The following RPTOR variants were observed in gnomAD, a reference collection of about 807,000 sequenced individuals.
The protein encoded by RPTOR is regulatory-associated protein of mTOR.
In RPTOR, 21 loss-of-function variants were observed where a neutral mutation model predicts 169.9. The observed-to-expected ratio is 0.12, with a 90% CI of 0.09 to 0.18. The LOEUF (loss-of-function observed/expected upper bound fraction) is 0.18, where lower values mean the gene tolerates loss of function less well. RPTOR is among the 10% of genes least tolerant of loss of function. The pLI, the probability that RPTOR is intolerant of heterozygous loss-of-function variation, is 1.00. For missense variants in RPTOR, 1,133 were observed against 1,855.9 expected (o/e 0.61, Z 7.16); for synonymous variants, 732 against 753.2 (o/e 0.97, Z 0.46).
At chr17:80,756,954 A>G (rs1320263615) in intron 6 of RPTOR, among the ~76,000 whole-genome samples, 1 of 152,218 alleles carries the variant, frequency 6.6e-6, no homozygotes, top group Non-Finnish European at 1.5e-5. Context: ...CAAAGCAGAA[A>G]TAGGGGTAGG....
intron 1 of RPTOR, among the ~76,000 whole-genome samples, chr17:80,612,889 T>C (rs2065281067): frequency 6.6e-6 from 1 of 152,094 alleles, no homozygotes; most frequent in African/African-American, 2.4e-5. Flanking sequence ...AACAAAACTT[T>C]TGTCAAAGAT....
chr17:80,886,181 G>A (rs1317996491), intron 17 of RPTOR, among the ~76,000 whole-genome samples: 1 of 152,254 alleles, frequency 6.6e-6, no homozygotes, highest in East Asian at 1.9e-4. Flanking sequence ...CAGGGGCCTG[G>A]GGGTTGTTTG....
intron 28 of RPTOR, among the ~76,000 whole-genome samples, chr17:80,953,053 T>C (rs9897841): frequency 0.57 from 86,515 of 151,324 alleles, 25,470 homozygotes; most frequent in African/African-American, 0.72. Context: ...TTAGTAGAGA[T>C]GGGGTTTCAC....
At chr17:80,711,905 G>A (rs997232608) in intron 4 of RPTOR, among the ~76,000 whole-genome samples, 4 of 151,802 alleles carry the variant, frequency 2.6e-5, no homozygotes, top group African/African-American at 7.3e-5. Context: ...CGCCACGCCC[G>A]GCTAATATTT....
intron 6 of RPTOR, among the ~76,000 whole-genome samples, chr17:80,774,789 G>A (rs1235200945): frequency 6.6e-6 from 1 of 152,224 alleles, no homozygotes; most frequent in African/African-American, 2.4e-5. Context: ...CTCGCTGTGT[G>A]CAGGGGACCG....
chr17:80,551,388 ATTCGTGGGTG>A (rs1172069240), intron 1 of RPTOR, among the ~76,000 whole-genome samples: 1 of 152,180 alleles, frequency 6.6e-6, no homozygotes, highest in Non-Finnish European at 1.5e-5. Flanking sequence ...TTTATTGATC[ATTCGTGGGTG>A]TTTCTCCGAG....
At chr17:80,737,406 G>GA (rs1164472659) in intron 5 of RPTOR, among the ~76,000 whole-genome samples, 1 of 152,120 alleles carries the variant, frequency 6.6e-6, no homozygotes, top group African/African-American at 2.4e-5. Context: ...CTCTTTAGAG[G>GA]AAAAAAACCC....
At chr17:80,653,359 A>G (rs1055720426) in intron 3 of RPTOR, among the ~76,000 whole-genome samples, 4 of 152,252 alleles carry the variant, frequency 2.6e-5, no homozygotes, top group Non-Finnish European at 5.9e-5. Flanking sequence ...CCTGGGCAAC[A>G]TAGTGAGACC....
intron 9 of RPTOR, among the ~76,000 whole-genome samples, chr17:80,824,333 A>G (rs111262845): frequency 0.068 from 10,311 of 152,308 alleles, 484 homozygotes; most frequent in Non-Finnish European, 0.096. Context: ...AACCATTTAA[A>G]TAATGTGTAA....
At position 80,613,899 on chromosome 17, in the gene RPTOR, G is replaced by A. The variant is rs142725819; in HGVS notation, c.163-11792G>A. Among the ~76,000 whole-genome samples the A allele has an allele frequency of 2.8e-3, 432 of 152,364 alleles. 3 individuals are homozygous for A. Among genetic ancestry groups the A allele is most frequent in the African/African-American group, 9.3e-3 (388 of 41,588 alleles). ...AAGTGGCTGTGGAGCACGATGAAGC[G>A]TCTATCGCAGCATCATCTCTGCACC... On this transcript the variant is annotated intron_variant, in intron 1 of 33. Coordinates refer to ENST00000306801, the MANE Select transcript of RPTOR (RefSeq NM_020761.3).
At chr17:80,815,333 A>G (rs372241895) in intron 7 of RPTOR, among the ~76,000 whole-genome samples, 10 of 152,246 alleles carry the variant, frequency 6.6e-5, no homozygotes, top group African/African-American at 2.2e-4. Flanking sequence ...GAGAGCTGCC[A>G]CTCCAACTCG....
Position 80,823,559 on chromosome 17 carries a change from T to C in RPTOR, c.1136+336T>C. ...AGTAGTGAGAAAATAACTTGCTGAC[T>C]TGAATTTATGAAGCACATGCAAGAT... On this transcript the variant is annotated intron_variant, in intron 9 of 33. Transcript: ENST00000306801. The surrounding 1 kb of genome is among the most constrained non-coding windows in gnomAD (Gnocchi z 4.5). The C allele has an allele frequency of 4.5e-6, 1 of 224,308 alleles. No individual in the cohort carries two copies. Among genetic ancestry groups the C allele is most frequent in the Non-Finnish European group, 8.9e-6 (1 of 111,842 alleles). 13.9% of individuals were successfully genotyped at this position (224,308 alleles called of 1,614,324 possible).
rs2084508271 is a variant in RPTOR at position 80,562,241 on chromosome 17, G to A, written c.162+16450G>A. On this transcript the variant is annotated intron_variant, in intron 1 of 33. Coordinates refer to ENST00000306801, the MANE Select transcript of RPTOR (RefSeq NM_020761.3). The surrounding 1 kb of genome is among the most constrained non-coding windows in gnomAD (Gnocchi z 4.4). The stretch of plus-strand genomic sequence containing the variant: ...TAGGAGAGAAAAACAAGATACACCA[G>A]GCATTTGGAAAGCCAAAGAACACGT... 6.6e-6 allele frequency among the ~76,000 whole-genome samples: 1 copy of A among 152,192 alleles called. No individual in the cohort carries two copies. The highest frequency in any genetic ancestry group is 1.5e-5 in the Non-Finnish European group (1 of 68,038).
chr17:80,874,825 A>C (rs558303441), intron 13 of RPTOR, among the ~76,000 whole-genome samples: 23 of 152,284 alleles, frequency 1.5e-4, no homozygotes, highest in Admixed American at 6.5e-4. Context: ...ACACCACCGA[A>C]GGCTCACTCA....
At chr17:80,831,249 A>C (rs1474963723) in intron 9 of RPTOR, among the ~76,000 whole-genome samples, 1 of 152,162 alleles carries the variant, frequency 6.6e-6, no homozygotes, top group African/African-American at 2.4e-5. Context: ...TGCACTGCCC[A>C]GAGACCAGGC....
chr17:80,693,069 G>C (rs931139191), intron 3 of RPTOR, among the ~76,000 whole-genome samples: 1 of 152,208 alleles, frequency 6.6e-6, no homozygotes, highest in African/African-American at 2.4e-5. Context: ...TCTTGTTGCT[G>C]TATTAGACTG....
At position 80,823,251 on chromosome 17, in the gene RPTOR, C is replaced by G; in HGVS notation, c.1136+28C>G. ...GAGTGTTTCAGGATCCTCCAGGTGC[C>G]GTGCTCCCCCGCCCTCCGTGGCACT... is the stretch of plus-strand genomic sequence containing the variant. On this transcript the variant is annotated intron_variant, in intron 9 of 33. Coordinates refer to ENST00000306801, the MANE Select transcript of RPTOR (RefSeq NM_020761.3). The surrounding 1 kb of genome is among the most constrained non-coding windows in gnomAD (Gnocchi z 4.5). 2 of 1,608,916 alleles carry G rather than the reference C, an allele frequency of 1.2e-6. No individual in the cohort carries two copies. Among genetic ancestry groups the G allele is most frequent in the Non-Finnish European group, 1.7e-6 (2 of 1,176,272 alleles).
intron 7 of RPTOR, among the ~76,000 whole-genome samples, 186 bp from the exon 8 acceptor site, chr17:80,822,015 T>C (rs1175743620): frequency 6.6e-6 from 1 of 152,130 alleles, no homozygotes; most frequent in African/African-American, 2.4e-5. Flanking sequence ...CAGATGGAGG[T>C]TGAGCTCTGA....
rs559100961 is a variant in RPTOR, at chr17:80,719,245, GA to G, written c.507+11250del. Among the ~76,000 whole-genome samples, 321 of 152,272 alleles carry G rather than the reference GA, an allele frequency of 2.1e-3. 4 individuals are homozygous for G. Among genetic ancestry groups the G allele is most frequent in the African/African-American group, 7.2e-3 (301 of 41,548 alleles). On this transcript the variant is annotated intron_variant, in intron 4 of 33. Transcript: ENST00000306801. ...CAGGTGATGGGGAGGAGAATTGGGA[GA>G]AAATGGCATGGGGGAAGCCGGGAAG...
Sources: gnomAD v4.1 joint callset for allele counts (sites outside exome capture counted in the v4.1 genomes callset) on GRCh38, gnomAD v4.1.1 for gene constraint, Gnocchi (gnomAD v3.1) non-coding constraint, MANE v1.5 for transcripts, NCBI Gene and HGNC (gene_info 2026-07-23, HGNC 2026-07-21) for gene names.